Variants in MSI2 observed in about 807,000 individuals in gnomAD.
MSI2 encodes the protein musashi RNA binding protein 2.
In MSI2, 17 loss-of-function variants were observed where a neutral mutation model predicts 45.6. The observed-to-expected ratio is 0.37, with a 90% confidence interval of 0.26 to 0.56. MSI2 has a LOEUF of 0.56. Ranked by LOEUF, MSI2 falls within the 20% of genes least tolerant of loss-of-function variation. The probability of loss-of-function intolerance (pLI) is 0.77; values close to 1 mark genes in which losing one functional copy is unlikely to be tolerated. For missense variants in MSI2, 293 were observed against 444.2 expected (o/e 0.66, Z 3.06); for synonymous variants, 156 against 158.2 (o/e 0.99, Z 0.11).
At position 57,356,481 on chromosome 17, in the gene MSI2, A is replaced by T. The variant is rs556667881; in HGVS notation, c.313-44898A>T. 3.9e-5 allele frequency among the ~76,000 whole-genome samples: 6 copies of T among 152,304 alleles called. No homozygotes were observed. The South Asian group carries it at 1.0e-3, about 26-fold the overall frequency. On this transcript the variant is annotated intron_variant, in intron 5 of 13. Transcript: ENST00000284073. ...ATCATTTTAGATGTACAGAGAAGAAAGAACAACACAGTATTGATAAGATTT... is the reference window on the plus strand; with the variant it reads ...ATCATTTTAGATGTACAGAGAAGAATGAACAACACAGTATTGATAAGATTT...
At chr17:57,524,193 A>G (rs2086651924) in intron 6 of MSI2, among the ~76,000 whole-genome samples, 1 of 152,200 alleles carries the variant, frequency 6.6e-6, no homozygotes, top group Non-Finnish European at 1.5e-5. Flanking sequence ...AGGAACTTGC[A>G]AATCCTCTTA....
At chr17:57,688,912 AC>A (rs1321088490), downstream of MSI2, among the ~76,000 whole-genome samples, 1 of 152,220 alleles carries the variant, frequency 6.6e-6, no homozygotes, top group Non-Finnish European at 1.5e-5. Flanking sequence ...CTATGAAAAT[AC>A]AAATTTTCAA....
intron 6 of MSI2, among the ~76,000 whole-genome samples, chr17:57,515,789 A>G (rs2086458722): frequency 6.6e-6 from 1 of 152,200 alleles, no homozygotes; most frequent in Non-Finnish European, 1.5e-5. Context: ...TACCTTATTT[A>G]TGCCTACTTT....
intron 6 of MSI2, among the ~76,000 whole-genome samples, chr17:57,414,965 G>A (rs1259849097): frequency 6.6e-6 from 1 of 152,158 alleles, no homozygotes; most frequent in Non-Finnish European, 1.5e-5. Flanking sequence ...TAAAAATTGG[G>A]ATATGCAACT....
chr17:57,483,265 C>G (rs762950069), intron 6 of MSI2, among the ~76,000 whole-genome samples: 4 of 151,216 alleles, frequency 2.6e-5, no homozygotes, highest in Non-Finnish European at 5.9e-5. Context: ...AATAAACTTG[C>G]CTTAAAAAAA....
rs144413788 is a variant in MSI2 at position 57,421,709 on chromosome 17, C to T, written c.405+20238C>T. On this transcript the variant is annotated intron_variant, in intron 6 of 13. Transcript: ENST00000284073. ...GACCAGTGTGGGTCACATAGTGAGA[C>T]CCTATCTGTACAAAAAATGTGCCTG... is the stretch of plus-strand genomic sequence containing the variant. Among the ~76,000 whole-genome samples, 35 of 152,144 alleles carry T rather than the reference C, an allele frequency of 2.3e-4. 1 individual carries two copies. In the East Asian group the frequency reaches 6.8e-3, roughly 29 times the overall value.
chr17:57,450,217 G>A (rs1304062047), intron 6 of MSI2: 2 of 132,372 alleles, frequency 1.5e-5, no homozygotes, highest in African/African-American at 3.2e-5. Context: ...ATTTCCTTCT[G>A]GGGCTGGAGT....
intron 6 of MSI2, among the ~76,000 whole-genome samples, chr17:57,510,336 A>T (rs532282312): frequency 6.6e-6 from 1 of 150,962 alleles, no homozygotes; most frequent in South Asian, 2.1e-4. Context: ...ATATTTTATA[A>T]CAAGATGCTC....
chr17:57,306,687 C>A (rs57468122), intron 5 of MSI2, among the ~76,000 whole-genome samples: 1 of 152,170 alleles, frequency 6.6e-6, no homozygotes, highest in African/African-American at 2.4e-5. Flanking sequence ...TGTTCACATG[C>A]TCTGCTGCCA....
intron 6 of MSI2, among the ~76,000 whole-genome samples, chr17:57,483,691 C>T (rs1437189770): frequency 6.6e-6 from 1 of 152,156 alleles, no homozygotes; most frequent in East Asian, 1.9e-4. Flanking sequence ...GGGGTGGATG[C>T]TGTGTTGCTG....
chr17:57,469,262 A>G (rs1431538857), intron 6 of MSI2, among the ~76,000 whole-genome samples: 1 of 152,206 alleles, frequency 6.6e-6, no homozygotes, highest in African/African-American at 2.4e-5. Flanking sequence ...TGCGAAGTCC[A>G]TGGTCTGTAA....
chr17:57,270,318 T>C (rs928759905), intron 5 of MSI2, among the ~76,000 whole-genome samples: 1 of 152,134 alleles, frequency 6.6e-6, no homozygotes, highest in African/African-American at 2.4e-5. Context: ...GGCAGACAGC[T>C]TTCTAGAACC....
At chr17:57,587,714 C>CCAG (rs1904433716) in intron 7 of MSI2, among the ~76,000 whole-genome samples, 1 of 152,180 alleles carries the variant, frequency 6.6e-6, no homozygotes, top group Admixed American at 6.5e-5. Context: ...CTTGTAATTC[C>CCAG]CCACAGCCCC....
At chr17:57,299,599 C>CTTAT (rs967346150) in intron 5 of MSI2, among the ~76,000 whole-genome samples, 2 of 152,052 alleles carry the variant, frequency 1.3e-5, no homozygotes, top group South Asian at 4.2e-4. Context: ...AGTTTGCCAT[C>CTTAT]TTATTTATTT....
intron 6 of MSI2, among the ~76,000 whole-genome samples, chr17:57,514,568 A>G (rs972202251): frequency 1.3e-5 from 2 of 152,146 alleles, no homozygotes; most frequent in African/African-American, 4.8e-5. Flanking sequence ...AATGAGAAAG[A>G]TCTTTATCCT....
chr17:57,487,665 G>T (rs1182924478), intron 6 of MSI2, among the ~76,000 whole-genome samples: 1 of 151,902 alleles, frequency 6.6e-6, no homozygotes. Flanking sequence ...CCTCCCAGGT[G>T]CAGGTGCACT....
At position 57,675,039 on chromosome 17, in the gene MSI2, C is replaced by T. The variant is rs189193446; in HGVS notation, c.858C>T (p.Tyr286=). 229 of 1,614,072 alleles carry T rather than the reference C, an allele frequency of 1.4e-4. No homozygotes were observed. In the East Asian group the frequency reaches 1.5e-3, roughly 11 times the overall value. The change falls in exon 12 of 14, where the codon TAC becomes TAT. Residue 286 remains tyrosine (Y), a synonymous_variant. Transcript: ENST00000284073. ...GCCCAGGACCTGTCGCCGATCTCTACGGCCCTGCCAGCCAGGACTCCGGAG... is the reference window on the plus strand; with the variant it reads ...GCCCAGGACCTGTCGCCGATCTCTATGGCCCTGCCAGCCAGGACTCCGGAG... ...ANSPGPVADL[Y]GPASQDSGVG...
intron 6 of MSI2, among the ~76,000 whole-genome samples, chr17:57,517,359 C>T (rs1318872540): frequency 6.6e-6 from 1 of 152,150 alleles, no homozygotes; most frequent in African/African-American, 2.4e-5. Context: ...GATTCGGGTG[C>T]CTGATGCTAT....
At chr17:57,531,831 T>G (rs887290015) in intron 7 of MSI2, 6 of 152,156 alleles carry the variant, frequency 3.9e-5, no homozygotes, top group African/African-American at 1.4e-4. Flanking sequence ...GCCCAGAGGA[T>G]GTGCCGGGAA....
Sources: gnomAD v4.1 joint callset for allele counts (sites outside exome capture counted in the v4.1 genomes callset) on GRCh38, gnomAD v4.1.1 for gene constraint, MANE v1.5 for transcripts, NCBI Gene and HGNC (gene_info 2026-07-23, HGNC 2026-07-21) for gene names.